Variants in GORASP2 observed in about 807,000 individuals in gnomAD.
The protein encoded by GORASP2 is golgi reassembly stacking protein 2, also known as Golgi reassembly-stacking protein 2.
GORASP2 carries 22 observed loss-of-function variants against 45.7 expected under a neutral mutation model. The observed-to-expected ratio is 0.48, with a 90% CI of 0.34 to 0.69. The LOEUF is 0.69. Ranked by LOEUF, GORASP2 falls within the 30% of genes least tolerant of loss-of-function variation. GORASP2 has a pLI of 0.01. For synonymous variants in GORASP2, 221 were observed against 215.6 expected, an observed-to-expected ratio of 1.02 and a Z score of -0.22; for missense variants, 491 against 562.7, an observed-to-expected ratio of 0.87 and a Z score of 1.29.
intron 1 of GORASP2, among the ~76,000 whole-genome samples, chr2:170,940,679 G>T (rs731692): frequency 6.6e-6 from 1 of 151,540 alleles, no homozygotes; most frequent in African/African-American, 2.4e-5. Flanking sequence ...TGGAGCAGAA[G>T]TATTAACGGT....
Position 170,966,383 on chromosome 2 carries a change from C to T in GORASP2, c.*253C>T, listed in dbSNP as rs1025086807. On this transcript the variant is annotated 3_prime_UTR_variant, in exon 10 of 10. Transcript: ENST00000234160. ...AAGAATTGTAAGGGTGGCTTGCTGC[C>T]AGGCTTGCACTGCCGTTCCTGGGGG... 3 of 530,056 alleles carry T rather than the reference C, an allele frequency of 5.7e-6. No individual in the cohort carries two copies. The highest frequency in any genetic ancestry group is 3.4e-5 in the Admixed American group (1 of 29,300). 32.8% of individuals were successfully genotyped at this position (530,056 alleles called of 1,614,324 possible).
chr2:170,966,190 C>G lies in GORASP2; in HGVS notation c.*60C>G. The G allele has an allele frequency of 8.7e-7, 1 of 1,143,242 alleles. No individual in the cohort carries two copies. The highest frequency in any genetic ancestry group is 1.2e-5 in the South Asian group (1 of 80,928). The allele number at this position is 1,143,242 out of a possible 1,614,324, so 70.8% of individuals were successfully genotyped here. On this transcript the variant is annotated 3_prime_UTR_variant, in exon 10 of 10. Transcript: ENST00000234160. ...TTAACCACGGGAGCGTGTCTGGAAACGCAAACTATCATTAATTTCATACTA... is the reference window on the plus strand; with the variant it reads ...TTAACCACGGGAGCGTGTCTGGAAAGGCAAACTATCATTAATTTCATACTA...
intron 1 of GORASP2, among the ~76,000 whole-genome samples, chr2:170,931,983 T>C (rs1291179382): frequency 6.6e-6 from 1 of 152,224 alleles, no homozygotes; most frequent in East Asian, 1.9e-4. Context: ...ATCCCCACTT[T>C]GGGAGGCCGA....
At chr2:170,934,966 G>T (rs1198503761) in intron 1 of GORASP2, among the ~76,000 whole-genome samples, 2 of 152,164 alleles carry the variant, frequency 1.3e-5, no homozygotes, top group Non-Finnish European at 2.9e-5. Flanking sequence ...TCGAACTGCT[G>T]ACCTCAGCTG....
At chr2:170,933,064 T>C (rs146562560) in intron 1 of GORASP2, among the ~76,000 whole-genome samples, 27 of 152,244 alleles carry the variant, frequency 1.8e-4, no homozygotes, top group African/African-American at 6.5e-4. Context: ...TTAATATATT[T>C]TCTAGGATTT....
chr2:170,945,818 A>C (rs1370262966), intron 1 of GORASP2, among the ~76,000 whole-genome samples: 1 of 152,194 alleles, frequency 6.6e-6, no homozygotes, highest in Non-Finnish European at 1.5e-5. Flanking sequence ...TTTAGGAACA[A>C]TCTGTGTTCC....
chr2:170,929,773 T>C (rs1408094195), intron 1 of GORASP2: 1 of 491,762 alleles, frequency 2.0e-6, no homozygotes, highest in African/African-American at 2.0e-5. Flanking sequence ...GGAGGCAACG[T>C]CTCCAAAGTG....
Position 170,949,651 on chromosome 2 carries a change from C to A in GORASP2, c.257C>A (p.Pro86Gln), listed in dbSNP as rs768715809. 1 of 1,614,014 alleles carries A rather than the reference C, an allele frequency of 6.2e-7. No individual in the cohort carries two copies. Among genetic ancestry groups the A allele is most frequent in the Non-Finnish European group, 8.5e-7 (1 of 1,179,914 alleles). ...TLELRETSVT[P>Q]SNLWGGQGLL... ...GAACTGCGAGAGACCTCAGTCACAC[C>A]AAGTAACCTGTGGGGCGGCCAGGGC... Residue 86 changes from proline (P) to glutamine (Q), a missense_variant, in exon 3 of 10, where the codon CCA becomes CAA. Physicochemically the swap from Pro to Gln is moderately conservative, Grantham distance 76. This residue lies in a region of GORASP2 where 194 missense variants were observed against 270.4 expected (regional missense o/e 0.72). Coordinates refer to ENST00000234160, the MANE Select transcript of GORASP2 (RefSeq NM_015530.5).
At position 170,955,168 on chromosome 2, in the gene GORASP2, G is replaced by A. The variant is rs189986528; in HGVS notation, c.699+386G>A. ...AGGGAAAACCAAGCTTCAAGAAATCGAACACAGTCAGCCATGTCAGGTAGT... is the reference window on the plus strand; with the variant it reads ...AGGGAAAACCAAGCTTCAAGAAATCAAACACAGTCAGCCATGTCAGGTAGT... On this transcript the variant is annotated intron_variant, in intron 6 of 9. Transcript: ENST00000234160. Among the ~76,000 whole-genome samples the A allele has an allele frequency of 3.6e-3, 549 of 152,112 alleles. 2 individuals carry two copies. Among genetic ancestry groups the A allele is most frequent in the African/African-American group, 0.013 (520 of 41,500 alleles).
chr2:170,953,339 G>A (rs1420063776), intron 5 of GORASP2, among the ~76,000 whole-genome samples: 1 of 145,554 alleles, frequency 6.9e-6, no homozygotes, highest in African/African-American at 2.5e-5. Context: ...CTGGGCAACA[G>A]AATAATAAAT....
chr2:170,936,202 T>C (rs1703948797), intron 1 of GORASP2, among the ~76,000 whole-genome samples: 1 of 150,924 alleles, frequency 6.6e-6, no homozygotes, highest in Admixed American at 6.7e-5. Context: ...ATAGAAAGTT[T>C]GATATGTGCT....
chr2:170,932,714 C>T (rs560837168), intron 1 of GORASP2, among the ~76,000 whole-genome samples: 54 of 152,340 alleles, frequency 3.5e-4, no homozygotes, highest in African/African-American at 1.2e-3. Flanking sequence ...AAGGCAAATA[C>T]TGTTGAAGTA....
rs566261289 is a variant in GORASP2 at position 170,958,810 on chromosome 2, C to T, written c.823+2251C>T. 7.2e-5 allele frequency among the ~76,000 whole-genome samples: 11 copies of T among 152,222 alleles called. 1 individual carries two copies. In the South Asian group the frequency reaches 1.2e-3, roughly 17 times the overall value. On this transcript the variant is annotated intron_variant, in intron 7 of 9. Coordinates refer to ENST00000234160, the MANE Select transcript of GORASP2 (RefSeq NM_015530.5). ...CTAACCAAGTAGCTGTGATTGATTA[C>T]AGGCACGTGCCACCACACCCAGCTA... is the stretch of plus-strand genomic sequence containing the variant.
chr2:170,964,891 A>AAT (rs1704650204), intron 9 of GORASP2, among the ~76,000 whole-genome samples: 1 of 84,556 alleles, frequency 1.2e-5, no homozygotes, highest in Non-Finnish European at 2.5e-5. Context: ...TATGCATTTT[A>AAT]ATTTTTTTTT....
intron 1 of GORASP2, chr2:170,929,740 G>A (rs1280599355): frequency 1.5e-5 from 8 of 537,528 alleles, no homozygotes; most frequent in Non-Finnish European, 2.6e-5. Context: ...CTCATTTTTA[G>A]CTTCCAAAGT....
At chr2:170,929,656 GCC>G in intron 1 of GORASP2, 1 of 616,982 alleles carries the variant, frequency 1.6e-6, no homozygotes, top group Admixed American at 2.4e-5. Flanking sequence ...CGGCGACTCG[GCC>G]AGGGGGCGGC....
At chr2:170,942,704 C>A (rs1262337668) in intron 1 of GORASP2, among the ~76,000 whole-genome samples, 1 of 152,084 alleles carries the variant, frequency 6.6e-6, no homozygotes, top group Non-Finnish European at 1.5e-5. Context: ...TTTTCATTTT[C>A]CTTGGTTATT....
chr2:170,957,862 T>C (rs1704465775), intron 7 of GORASP2, among the ~76,000 whole-genome samples: 1 of 152,240 alleles, frequency 6.6e-6, no homozygotes, highest in Admixed American at 6.5e-5. Context: ...GGTCTCTCTG[T>C]TGCCCAGGCT....
Position 170,966,116 on chromosome 2 carries a change from T to G in GORASP2, c.1345T>G (p.Ser449Ala). The G allele has an allele frequency of 6.2e-7, 1 of 1,612,626 alleles. No homozygotes were observed. ...TTCTGCGGCTGTGGATGCCAATGCT[T>G]CTGAGTCACCTTAACTTTGAACCAT... Reference protein sequence around the residue: ...PVSAAVDANASESP With the variant: ...PVSAAVDANAAESP Residue 449 changes from serine (S) to alanine (A), a missense_variant, in exon 10 of 10, where the codon TCT (serine) becomes GCT (alanine). Around this residue, in one of 2 missense-constraint regions of GORASP2, gnomAD observed 297 missense variants for 292.3 expected, o/e 1.02. Coordinates refer to ENST00000234160, the MANE Select transcript of GORASP2 (RefSeq NM_015530.5).
Sources: allele counts gnomAD v4.1 joint callset (sites outside exome capture counted in the v4.1 genomes callset), GRCh38; gene constraint gnomAD v4.1.1; regional missense constraint gnomAD v4.1.1; transcripts MANE v1.5; gene names NCBI Gene and HGNC (gene_info 2026-07-23, HGNC 2026-07-21).